The following SLC25A21 variants were observed in gnomAD, a reference collection of about 807,000 sequenced individuals.
SLC25A21 encodes the protein mitochondrial 2-oxodicarboxylate carrier.
A neutral mutation model predicts 43.8 loss-of-function variants in SLC25A21; 47 were observed. That is an observed-to-expected ratio of 1.07 (90% CI 0.85 to 1.37). SLC25A21 has a LOEUF of 1.37. Among genes scored for constraint, SLC25A21 ranks in the 40% most tolerant of loss-of-function variants. The pLI is 0.00. For synonymous variants in SLC25A21, 131 were observed against 121.3 expected, an observed-to-expected ratio of 1.08 and a Z score of -0.52; for missense variants, 352 against 350.2, an observed-to-expected ratio of 1.00 and a Z score of -0.04.
At chr14:36,895,422 C>A (rs905631970) in intron 1 of SLC25A21, among the ~76,000 whole-genome samples, 40 of 151,600 alleles carry the variant, frequency 2.6e-4, no homozygotes, top group Non-Finnish European at 2.9e-5. Flanking sequence ...CTATTTGATT[C>A]TTCTCTCTTT....
At chr14:36,761,483 C>T (rs1325537) in intron 3 of SLC25A21, among the ~76,000 whole-genome samples, 24,288 of 152,218 alleles carry the variant, frequency 0.16, 2,212 homozygotes, top group Middle Eastern at 0.25. Context: ...TGCTATAGAG[C>T]ATTTAAAAAT....
chr14:36,812,170 A>G (rs890601862), intron 3 of SLC25A21, among the ~76,000 whole-genome samples: 1 of 152,198 alleles, frequency 6.6e-6, no homozygotes, highest in Non-Finnish European at 1.5e-5. Flanking sequence ...GCTCAATTCC[A>G]GTAACATTCA....
At chr14:37,161,337 T>A (rs1963936855) in intron 1 of SLC25A21, among the ~76,000 whole-genome samples, 1 of 152,130 alleles carries the variant, frequency 6.6e-6, no homozygotes, top group Admixed American at 6.5e-5. Flanking sequence ...TAAACATGGA[T>A]ATGCCAATTA....
chr14:37,100,986 G>A (rs1336537516), intron 1 of SLC25A21, among the ~76,000 whole-genome samples: 2 of 152,012 alleles, frequency 1.3e-5, no homozygotes, highest in Non-Finnish European at 1.5e-5. Context: ...CTTCTCTTTC[G>A]CTGACAGCCG....
chr14:36,875,674 T>C (rs186829131), intron 1 of SLC25A21, among the ~76,000 whole-genome samples: 8 of 152,264 alleles, frequency 5.3e-5, no homozygotes, highest in African/African-American at 1.2e-4. Flanking sequence ...AGCATATAAG[T>C]TAAATAACTT....
At chr14:37,129,194 T>C (rs1347991674) in intron 1 of SLC25A21, among the ~76,000 whole-genome samples, 1 of 152,174 alleles carries the variant, frequency 6.6e-6, no homozygotes, top group South Asian at 2.1e-4. Context: ...TGGCTTCTCA[T>C]CCAACACTGA....
chr14:36,985,284 A>G (rs1296593086), intron 1 of SLC25A21, among the ~76,000 whole-genome samples: 1 of 151,908 alleles, frequency 6.6e-6, no homozygotes, highest in African/African-American at 2.4e-5. Flanking sequence ...TATGTAACTA[A>G]CCTGCACAAT....
chr14:37,108,736 T>TGC (rs1387827976), intron 1 of SLC25A21, among the ~76,000 whole-genome samples: 1 of 146,488 alleles, frequency 6.8e-6, no homozygotes, highest in East Asian at 1.9e-4. Context: ...TGTGTGTGTG[T>TGC]GTGCGTGTGT....
chr14:37,068,146 T>C (rs578112150), intron 1 of SLC25A21, among the ~76,000 whole-genome samples: 15 of 152,240 alleles, frequency 9.9e-5, no homozygotes, highest in Non-Finnish European at 2.1e-4. Flanking sequence ...AGTCACCACA[T>C]TGTGGACTTG....
intron 1 of SLC25A21, among the ~76,000 whole-genome samples, chr14:36,991,450 T>C (rs1840482075): frequency 6.6e-6 from 1 of 152,186 alleles, no homozygotes; most frequent in South Asian, 2.1e-4. Flanking sequence ...TTGGGTAACA[T>C]GGACTTCAGA....
chr14:36,678,599 T>G lies in SLC25A21; in HGVS notation c.*2059A>C, dbSNP rs1882023125. ...ACTCTCCTGTCATCTGAAAAACTGA[T>G]GTAAGGTACAGAACTATTCTTTATC... On this transcript the variant is annotated 3_prime_UTR_variant, in exon 10 of 10. Transcript: ENST00000331299. 3.3e-6 allele frequency: 5 copies of G among 1,505,874 alleles called. No homozygotes were observed. The South Asian group carries it at 5.1e-5, about 15-fold the overall frequency. The allele number at this position is 1,505,874 out of a possible 1,614,324, so 93.3% of individuals were successfully genotyped here. A position where few individuals can be genotyped will look rare whatever the true frequency, so the allele number is the denominator to read the frequency against.
intron 2 of SLC25A21, among the ~76,000 whole-genome samples, chr14:36,833,382 G>C (rs1178912269): frequency 6.6e-6 from 1 of 152,180 alleles, no homozygotes; most frequent in Non-Finnish European, 1.5e-5. Context: ...GCACAGAAAA[G>C]GGCCTTGTTA....
At chr14:37,090,644 T>C (rs1044902709) in intron 1 of SLC25A21, among the ~76,000 whole-genome samples, 1 of 152,176 alleles carries the variant, frequency 6.6e-6, no homozygotes, top group Admixed American at 6.5e-5. Context: ...GAGAAAAACA[T>C]AGCTTTCCAA....
intron 2 of SLC25A21, among the ~76,000 whole-genome samples, chr14:36,867,413 C>T (rs712374): frequency 0.86 from 130,705 of 152,088 alleles, 56,849 homozygotes; most frequent in Non-Finnish European, 0.93. Context: ...CAAATACTCA[C>T]TTCTTCAACA....
chr14:36,725,635 T>C lies in SLC25A21; in HGVS notation c.373A>G (p.Ile125Val). ...ACTACCTCAAAAGGGTTAACTACAA[T>C]GGCTTCTGTTAGTCCAGATCCCAAT... ...AGLGSGLTEAIVVNPFEVVKV... is the reference protein window; with the variant it reads ...AGLGSGLTEAVVVNPFEVVKV... The change falls in exon 6 of 10, where the codon ATT becomes GTT. Residue 125 changes from isoleucine (I) to valine (V), a missense_variant. Coordinates refer to ENST00000331299, the MANE Select transcript of SLC25A21 (RefSeq NM_030631.4). The C allele has an allele frequency of 1.2e-6, 2 of 1,602,476 alleles. No individual in the cohort carries two copies. The highest frequency in any genetic ancestry group is 1.7e-6 in the Non-Finnish European group (2 of 1,174,622).
In SLC25A21 at chr14:36,729,697, T is replaced by C. The variant is rs996618146; in HGVS notation, c.271-131A>G. The C allele has an allele frequency of 1.0e-5, 7 of 698,640 alleles. No individual in the cohort carries two copies. The Admixed American group carries it at 2.4e-4, about 24-fold the overall frequency. The allele number at this position is 698,640 out of a possible 1,614,324, so 43.3% of individuals were successfully genotyped here. ...AAAAATGATAAACTATCTAATACAGTTTTTAATCCTGTCTCGGGCAGTTGC... is the reference window on the plus strand; with the variant it reads ...AAAAATGATAAACTATCTAATACAGCTTTTAATCCTGTCTCGGGCAGTTGC... On this transcript the variant is annotated intron_variant, in intron 4 of 9. Coordinates refer to ENST00000331299, the MANE Select transcript of SLC25A21 (RefSeq NM_030631.4).
chr14:37,000,574 T>C (rs990709517), intron 1 of SLC25A21, among the ~76,000 whole-genome samples: 1 of 152,152 alleles, frequency 6.6e-6, no homozygotes, highest in African/African-American at 2.4e-5. Context: ...CATTCTCTCC[T>C]GCTTTGTGGT....
intron 1 of SLC25A21, among the ~76,000 whole-genome samples, chr14:37,162,067 C>T (rs1963953641): frequency 6.6e-6 from 1 of 151,754 alleles, no homozygotes; most frequent in East Asian, 1.9e-4. Context: ...GTAATGTGTC[C>T]ACAGGCCAAG....
intron 1 of SLC25A21, among the ~76,000 whole-genome samples, chr14:36,890,854 A>C (rs1891054579): frequency 6.6e-6 from 1 of 152,192 alleles, no homozygotes; most frequent in South Asian, 2.1e-4. Context: ...TAATGACCAC[A>C]ATATGTACAC....
Sources: gnomAD v4.1 joint callset for allele counts (sites outside exome capture counted in the v4.1 genomes callset) on GRCh38, gnomAD v4.1.1 for gene constraint, MANE v1.5 for transcripts, NCBI Gene and HGNC (gene_info 2026-07-23, HGNC 2026-07-21) for gene names.